Variants in SEC14L1 observed in about 807,000 individuals in gnomAD.
SEC14L1 encodes the protein SEC14-like protein 1.
In SEC14L1, 48 loss-of-function variants were observed where a neutral mutation model predicts 85.3. The ratio of observed to expected loss-of-function variants is 0.56; its 90% CI spans 0.45 to 0.72. SEC14L1 has a LOEUF of 0.72. SEC14L1 is among the 30% of genes least tolerant of loss of function. The pLI, the probability that SEC14L1 is intolerant of heterozygous loss-of-function variation, is 0.00. For synonymous variants in SEC14L1, 391 were observed against 355.5 expected (o/e 1.10, Z -1.12); for missense variants, 682 against 921.4 (o/e 0.74, Z 3.36).
chr17:77,092,935 G>A (rs1243826933), intron 2 of SEC14L1, among the ~76,000 whole-genome samples: 1 of 102,574 alleles, frequency 9.7e-6, no homozygotes, highest in Admixed American at 1.2e-4. Flanking sequence ...GGGCTAAAAA[G>A]AGTGAAACTC....
intron 3 of SEC14L1, among the ~76,000 whole-genome samples, chr17:77,148,109 C>G (rs1285153485): frequency 6.6e-6 from 1 of 152,128 alleles, no homozygotes; most frequent in East Asian, 1.9e-4. Flanking sequence ...AAAAGTTAAA[C>G]ATTGTCAAGT....
intron 7 of SEC14L1, among the ~76,000 whole-genome samples, 188 bp from the exon 8 acceptor site, chr17:77,196,014 A>AG (rs1185883612): frequency 1.3e-5 from 2 of 152,210 alleles, no homozygotes; most frequent in African/African-American, 2.4e-5. Flanking sequence ...CCTGTGGTTT[A>AG]GTCAGTGATT....
At chr17:77,211,822 AC>A in intron 14 of SEC14L1, 127 bp from the exon 15 acceptor site, 1 of 1,168,904 alleles carries the variant, frequency 8.6e-7, no homozygotes, top group Non-Finnish European at 1.2e-6. Flanking sequence ...ATCCGTCCAT[AC>A]GCATTCAGCG....
intron 5 of SEC14L1, among the ~76,000 whole-genome samples, chr17:77,192,323 T>C (rs961326179): frequency 2.6e-5 from 4 of 152,224 alleles, no homozygotes; most frequent in Non-Finnish European, 4.4e-5. Context: ...CAGTGTATCC[T>C]TAACACTGAA....
chr17:77,091,214 A>G (rs1305006424), intron 2 of SEC14L1, among the ~76,000 whole-genome samples: 2 of 152,154 alleles, frequency 1.3e-5, no homozygotes, highest in East Asian at 3.9e-4. Flanking sequence ...CAGCCTCCCA[A>G]ATAGCTGAGA....
At chr17:77,104,429 A>AATT (rs1971857408) in intron 3 of SEC14L1, among the ~76,000 whole-genome samples, 1 of 50,516 alleles carries the variant, frequency 2.0e-5, no homozygotes, top group Admixed American at 2.5e-4. Context: ...CCTTGTGTTT[A>AATT]CTTTTTTTTT....
chr17:77,128,881 T>C (rs775272024), intron 3 of SEC14L1, among the ~76,000 whole-genome samples: 3 of 152,196 alleles, frequency 2.0e-5, no homozygotes, highest in Non-Finnish European at 2.9e-5. Context: ...ATTTAGCTTA[T>C]GTAGCTCATA....
intron 3 of SEC14L1, among the ~76,000 whole-genome samples, chr17:77,187,582 T>C (rs1347142881): frequency 6.6e-6 from 1 of 152,104 alleles, no homozygotes; most frequent in Non-Finnish European, 1.5e-5. Context: ...TTCGACATGT[T>C]GGTCAGGATG....
Position 77,216,121 on chromosome 17 carries a change from T to A in SEC14L1, c.*2098T>A, listed in dbSNP as rs867599198. The A allele has an allele frequency of 1.0e-6, 1 of 972,504 alleles. No homozygotes were observed. Among genetic ancestry groups the A allele is most frequent in the Non-Finnish European group, 1.2e-6 (1 of 831,852 alleles). The allele number at this position is 972,504 out of a possible 1,614,324, so 60.2% of individuals were successfully genotyped here. On this transcript the variant is annotated 3_prime_UTR_variant, in exon 17 of 17. Transcript: ENST00000436233. ...TAGTAGGTAGGGTTCGTAGGTAGGG[T>A]TAGTAGGTAGGGCTAGTAGGTAGGG...
At chr17:77,134,735 A>G (rs944517026) in intron 3 of SEC14L1, among the ~76,000 whole-genome samples, 3 of 152,180 alleles carry the variant, frequency 2.0e-5, no homozygotes, top group Non-Finnish European at 4.4e-5. Context: ...TGTCTCAAAA[A>G]TAAATTAAAT....
intron 3 of SEC14L1, among the ~76,000 whole-genome samples, chr17:77,132,210 C>T (rs1319819333): frequency 1.3e-5 from 2 of 151,156 alleles, no homozygotes; most frequent in Admixed American, 1.3e-4. Flanking sequence ...TTTATTAGGC[C>T]TTTATTCTGC....
At chr17:77,192,318 T>TA (rs1374231615) in intron 5 of SEC14L1, among the ~76,000 whole-genome samples, 1 of 152,214 alleles carries the variant, frequency 6.6e-6, no homozygotes, top group Non-Finnish European at 1.5e-5. Flanking sequence ...CCCTGCAGTG[T>TA]ATCCTTAACA....
rs562747151 is a variant in SEC14L1 at position 77,216,529 on chromosome 17, T to C, written c.*2506T>C. ...CTGAAGGTGGTCCCTGCTTTCTCTT[T>C]CTCTTTCTCTGTGTCTCAGATGGCG... On this transcript the variant is annotated 3_prime_UTR_variant, in exon 17 of 17. Coordinates refer to ENST00000436233, the MANE Select transcript of SEC14L1 (RefSeq NM_001143998.2). 5.0e-6 allele frequency: 8 copies of C among 1,613,194 alleles called. No individual in the cohort carries two copies. In the East Asian group the frequency reaches 1.3e-4, roughly 27 times the overall value.
At chr17:77,114,632 C>T (rs1384656892) in intron 3 of SEC14L1, among the ~76,000 whole-genome samples, 12 of 150,930 alleles carry the variant, frequency 8.0e-5, no homozygotes, top group Non-Finnish European at 1.3e-4. Flanking sequence ...GTCGGGAGTT[C>T]GAGACCAGCC....
intron 3 of SEC14L1, among the ~76,000 whole-genome samples, chr17:77,102,797 T>C (rs961305772): frequency 2.0e-5 from 3 of 151,978 alleles, no homozygotes; most frequent in Non-Finnish European, 2.9e-5. Flanking sequence ...AGCCACCATG[T>C]CTGGCCTTTT....
intron 8 of SEC14L1, among the ~76,000 whole-genome samples, chr17:77,196,940 G>C (rs182989364): frequency 2.6e-5 from 4 of 152,284 alleles, no homozygotes; most frequent in Admixed American, 2.0e-4. Flanking sequence ...ACTGTTTTCA[G>C]GTCTTTATTC....
intron 3 of SEC14L1, among the ~76,000 whole-genome samples, chr17:77,149,499 C>T (rs1174821194): frequency 6.6e-6 from 1 of 151,952 alleles, no homozygotes; most frequent in East Asian, 1.9e-4. Flanking sequence ...AGTTCGAGAC[C>T]AACTTGGGCA....
intron 8 of SEC14L1, among the ~76,000 whole-genome samples, chr17:77,197,330 G>T (rs1188794872): frequency 3.3e-5 from 5 of 152,216 alleles, no homozygotes; most frequent in Non-Finnish European, 7.3e-5. Flanking sequence ...CCTTGGCCTT[G>T]TTCTTTATTC....
intron 3 of SEC14L1, among the ~76,000 whole-genome samples, chr17:77,167,392 C>T (rs1228746642): frequency 1.3e-5 from 2 of 152,182 alleles, no homozygotes; most frequent in Non-Finnish European, 2.9e-5. Flanking sequence ...ACCTTGGCCT[C>T]TCGAAATGCT....
Sources: allele counts gnomAD v4.1 joint callset (sites outside exome capture counted in the v4.1 genomes callset), GRCh38; gene constraint gnomAD v4.1.1; transcripts MANE v1.5; gene names NCBI Gene and HGNC (gene_info 2026-07-23, HGNC 2026-07-21).